Variants in AFDN observed in about 807,000 individuals in gnomAD.
The protein encoded by AFDN is afadin, adherens junction formation factor.
A neutral mutation model predicts 216.6 loss-of-function variants in AFDN; 68 were observed. The ratio of observed to expected loss-of-function variants is 0.31; its 90% CI spans 0.26 to 0.38. The LOEUF (loss-of-function observed/expected upper bound fraction) is 0.38. Among genes scored for constraint, AFDN ranks in the 10% least tolerant of loss-of-function variants. The probability of loss-of-function intolerance (pLI) is 1.00; values close to 1 mark genes in which losing one functional copy is unlikely to be tolerated. For synonymous variants in AFDN, 868 were observed against 853.7 expected, an observed-to-expected ratio of 1.02 and a Z score of -0.29; for missense variants, 2,136 against 2,342.0, an observed-to-expected ratio of 0.91 and a Z score of 1.82.
intron 32 of AFDN, 67 bp downstream of exon 32, chr6:167,966,112 GGCCACCCCCCTGCCA>G: frequency 6.5e-7 from 1 of 1,536,104 alleles, no homozygotes; most frequent in Non-Finnish European, 8.7e-7. Flanking sequence ...CTTAAACCAC[GGCCACCCCCCTGCCA>G]GCCACGCCCG....
intron 31 of AFDN, chr6:167,965,124 A>T: frequency 3.2e-6 from 3 of 929,300 alleles, no homozygotes; most frequent in Non-Finnish European, 2.6e-6. Context: ...TATTTGTTAG[A>T]TTGTTACTTT....
intron 1 of AFDN, among the ~76,000 whole-genome samples, chr6:167,856,304 A>G (rs1201411298): frequency 2.0e-5 from 3 of 152,054 alleles, no homozygotes; most frequent in African/African-American, 2.4e-5. Flanking sequence ...CTTTGTATGT[A>G]TAGGAGAAAA....
intron 8 of AFDN, among the ~76,000 whole-genome samples, chr6:167,891,423 G>GTGTGTT (rs1162769707): frequency 1.3e-5 from 2 of 150,784 alleles, no homozygotes; most frequent in East Asian, 3.9e-4. Context: ...GTGTGTGTGT[G>GTGTGTT]TGTGTGTGTG....
chr6:167,947,974 TA>T, intron 28 of AFDN, 30 bp downstream of exon 28: 1 of 1,518,826 alleles, frequency 6.6e-7, no homozygotes, highest in Non-Finnish European at 9.1e-7. Flanking sequence ...AAAAGGCTTC[TA>T]CTGCATTTCC....
intron 6 of AFDN, among the ~76,000 whole-genome samples, chr6:167,885,079 TC>T (rs1288066824): frequency 6.6e-6 from 1 of 152,214 alleles, no homozygotes; most frequent in Non-Finnish European, 1.5e-5. Context: ...TTCAGACTTT[TC>T]TTCTGCATCC....
chr6:167,889,205 GT>G lies in AFDN; in HGVS notation c.898-3del. Reference sequence around the variant, plus strand: ...GGCACATTCATAGTTAATTATTTTTGTTTTTTTAGGTTATGCTTCCTCCTGG... The same window carrying G: ...GGCACATTCATAGTTAATTATTTTTGTTTTTTAGGTTATGCTTCCTCCTGG... On this transcript the variant is annotated splice_polypyrimidine_tract_variant and intron_variant, in intron 6 of 33. Transcript: ENST00000683244. 1.3e-6 allele frequency: 2 copies of G among 1,599,338 alleles called. No individual in the cohort carries two copies. The highest frequency in any genetic ancestry group is 2.2e-5 in the South Asian group (2 of 89,930).
Position 167,970,460 on chromosome 6 carries a change from C to T in AFDN, c.*525C>T. 1 of 220,686 alleles carries T rather than the reference C, an allele frequency of 4.5e-6. No individual in the cohort carries two copies. The highest frequency in any genetic ancestry group is 1.4e-3 in the Middle Eastern group (1 of 706). The allele number at this position is 220,686 out of a possible 1,614,324, so 13.7% of individuals were successfully genotyped here. ...ATGACGACATGCTCCTCCCATGTCC[C>T]CTGATGGTGTCTGTTCCCACAATAT... On this transcript the variant is annotated 3_prime_UTR_variant, in exon 34 of 34. Coordinates refer to ENST00000683244, the MANE Select transcript of AFDN (RefSeq NM_001386888.1).
chr6:167,915,039 G>A, intron 18 of AFDN, 129 bp from the exon 19 acceptor site: 1 of 933,904 alleles, frequency 1.1e-6, no homozygotes, highest in South Asian at 1.6e-5. Context: ...TTGGAATGAA[G>A]TTGATATTTT....
chr6:167,929,175 C>T, intron 23 of AFDN, among the ~76,000 whole-genome samples: 1 of 151,676 alleles, frequency 6.6e-6, no homozygotes, highest in East Asian at 1.9e-4. Context: ...TTCAGAAAGA[C>T]TATTACTGCC....
intron 26 of AFDN, among the ~76,000 whole-genome samples, chr6:167,946,243 A>G (rs1008339760): frequency 3.9e-5 from 6 of 152,270 alleles, no homozygotes; most frequent in African/African-American, 9.6e-5. Context: ...AGCTGTGAAT[A>G]GTAGATGATA....
Position 167,859,043 on chromosome 6 carries a change from C to G in AFDN, c.106-5508C>G, listed in dbSNP as rs927058028. 1.0e-4 allele frequency among the ~76,000 whole-genome samples: 15 copies of G among 148,102 alleles called. No homozygotes were observed. The East Asian group carries it at 2.9e-3, about 29-fold the overall frequency. On this transcript the variant is annotated intron_variant, in intron 1 of 33. Coordinates refer to ENST00000683244, the MANE Select transcript of AFDN (RefSeq NM_001386888.1). ...TGAATACAGTGGAAAGAATGTTAGC[C>G]TGGTGAAGAAATTTTATGGCCGTTC... is the stretch of plus-strand genomic sequence containing the variant.
At chr6:167,868,489 AAC>A (rs1784438269) in intron 2 of AFDN, among the ~76,000 whole-genome samples, 1 of 151,784 alleles carries the variant, frequency 6.6e-6, no homozygotes, top group Admixed American at 6.6e-5. Flanking sequence ...TAATTGAAAA[AAC>A]AAAGACTTAA....
intron 1 of AFDN, among the ~76,000 whole-genome samples, chr6:167,848,678 C>A (rs1483640572): frequency 6.6e-6 from 1 of 152,110 alleles, no homozygotes; most frequent in East Asian, 1.9e-4. Context: ...AATTTATATT[C>A]CAAACTTCAG....
chr6:167,964,349 T>A lies in AFDN; in HGVS notation c.4969-1408T>A, dbSNP rs114440144. On this transcript the variant is annotated intron_variant, in intron 31 of 33. Transcript: ENST00000683244. ...ATATTTTGATTTCTTCCTAAAATGT[T>A]ACCAAGCAACTGTTCTTCATGTTAA... 4.5e-4 allele frequency: 481 copies of A among 1,064,542 alleles called. 7 individuals carry two copies. In the African/African-American group the frequency reaches 6.7e-3, roughly 15 times the overall value. 65.9% of individuals were successfully genotyped at this position (1,064,542 alleles called of 1,614,324 possible). A position where few individuals can be genotyped will look rare whatever the true frequency, so the allele number is the denominator to read the frequency against.
At chr6:167,968,726 G>A in intron 32 of AFDN, 1 of 192,026 alleles carries the variant, frequency 5.2e-6, no homozygotes, top group Non-Finnish European at 1.1e-5. Context: ...TGAAAACTTT[G>A]TATCTGCATC....
chr6:167,923,688 G>A (rs1423195307), intron 22 of AFDN, among the ~76,000 whole-genome samples: 3 of 146,796 alleles, frequency 2.0e-5, no homozygotes, highest in East Asian at 2.0e-4. Context: ...GCAGTGGCGC[G>A]ATTTGGCTTA....
In AFDN at chr6:167,915,355, G is replaced by C. The variant is rs755729244; in HGVS notation, c.2487G>C (p.Gln829His). Residue 829 changes from glutamine to histidine, a missense_variant, in exon 19 of 34, where the codon CAG (glutamine) becomes CAC (histidine). By Grantham distance (24) the Gln-to-His change is conservative (BLOSUM62 0). This residue lies in a region of AFDN where 817 missense variants were observed against 965.7 expected (regional missense o/e 0.85). Transcript: ENST00000683244. ...ACTGGGGTGCGATTATCCGTCAGCA[G>C]TTGGGCCATATTGAAGCCTGGGCTG... Reference protein sequence around the residue: ...SHYWGAIIRQQLGHIEAWAEK... With the variant: ...SHYWGAIIRQHLGHIEAWAEK... 2 of 1,614,142 alleles carry C rather than the reference G, an allele frequency of 1.2e-6. No individual in the cohort carries two copies. Among genetic ancestry groups the C allele is most frequent in the African/African-American group, 2.7e-5 (2 of 74,946 alleles).
chr6:167,894,928 A>G (rs772460208), intron 9 of AFDN, among the ~76,000 whole-genome samples: 2 of 152,142 alleles, frequency 1.3e-5, no homozygotes, highest in African/African-American at 2.4e-5. Context: ...TTGCGTTGAA[A>G]TGTTCTTGTT....
intron 26 of AFDN, among the ~76,000 whole-genome samples, chr6:167,946,067 A>T (rs1246770490): frequency 6.6e-6 from 1 of 152,048 alleles, no homozygotes; most frequent in African/African-American, 2.4e-5. Context: ...AACACACACC[A>T]CCCAAGGGGC....
Sources: gnomAD v4.1 joint callset for allele counts (sites outside exome capture counted in the v4.1 genomes callset) on GRCh38, gnomAD v4.1.1 for gene constraint, gnomAD v4.1.1 regional missense constraint, MANE v1.5 for transcripts, NCBI Gene and HGNC (gene_info 2026-07-23, HGNC 2026-07-21) for gene names.